LILRA1: variants seen among roughly 807,000 people sequenced by gnomAD.
The protein encoded by LILRA1 is leukocyte immunoglobulin like receptor A1.
A neutral mutation model predicts 51.6 loss-of-function variants in LILRA1; 51 were observed. The observed-to-expected ratio is 0.99, with a 90% CI of 0.79 to 1.25. The LOEUF (loss-of-function observed/expected upper bound fraction) is 1.25. LILRA1 is among the 50% of genes most tolerant of loss of function. LILRA1 has a pLI of 0.00. For synonymous variants in LILRA1, 305 were observed against 248.4 expected (o/e 1.23, Z -2.14); for missense variants, 660 against 611.7 (o/e 1.08, Z -0.83).
At chr19:54,594,983 G>A (rs369309661) in intron 4 of LILRA1, 31 bp downstream of exon 4, 12 of 1,611,676 alleles carry the variant, frequency 7.4e-6, no homozygotes, top group Admixed American at 5.0e-5. Context: ...CCCAGCCCCA[G>A]GCTCTGCCCT....
intron 7 of LILRA1, among the ~76,000 whole-genome samples, chr19:54,598,002 G>A (rs988511152): frequency 1.3e-5 from 2 of 150,546 alleles, no homozygotes; most frequent in East Asian, 2.1e-4. Context: ...CACGTTTTGG[G>A]TGGACTCAAC....
In LILRA1 at chr19:54,595,391, T is replaced by C; in HGVS notation, c.650T>C (p.Leu217Pro). The C allele has an allele frequency of 6.2e-7, 1 of 1,609,852 alleles. No individual in the cohort carries two copies. Among genetic ancestry groups the C allele is most frequent in the Non-Finnish European group, 8.5e-7 (1 of 1,177,550 alleles). Residue 217 changes from leucine to proline, a missense_variant, in exon 5 of 10, where the codon CTC becomes CCC. Physicochemically the swap from Leu to Pro is moderately conservative, Grantham distance 98. Coordinates refer to ENST00000251372, the MANE Select transcript of LILRA1 (RefSeq NM_006863.4). Reference sequence around the variant, plus strand: ...TCTCTACCCAGTGATCTCCTGGAGCTCCTGGTCCTAGGTGAGAAATTCACA... The same window carrying C: ...TCTCTACCCAGTGATCTCCTGGAGCCCCTGGTCCTAGGTGAGAAATTCACA... ...VWSLPSDLLELLVLGVSKKPS... is the reference protein window; with the variant it reads ...VWSLPSDLLEPLVLGVSKKPS...
chr19:54,594,440 G>A lies in LILRA1; in HGVS notation c.35-1G>A, dbSNP rs1417674707. On this transcript the variant is annotated splice_acceptor_variant, in intron 2 of 9. Transcript: ENST00000251372. LOFTEE classifies it high-confidence loss of function. ...ATTCCTCACAGGGAACTCTCTTCCA[G>A]GGCTGAGTCTGGGCCCCCGGACCCA... 6.2e-7 allele frequency: 1 copy of A among 1,606,742 alleles called. No individual in the cohort carries two copies. The highest frequency in any genetic ancestry group is 8.5e-7 in the Non-Finnish European group (1 of 1,179,288).
rs1241508409 is a variant in LILRA1 at position 54,594,645 on chromosome 19, G to A, written c.71-20G>A. On this transcript the variant is annotated intron_variant, in intron 3 of 9. Transcript: ENST00000251372. Reference sequence around the variant, plus strand: ...TTGGGTGGGAAATGACTTAGAATCTGAACTCTGATTTCCTTCCAGGGACCC... The same window carrying A: ...TTGGGTGGGAAATGACTTAGAATCTAAACTCTGATTTCCTTCCAGGGACCC... 29 of 1,611,224 alleles carry A rather than the reference G, an allele frequency of 1.8e-5. No homozygotes were observed. The highest frequency in any genetic ancestry group is 2.5e-5 in the Non-Finnish European group (29 of 1,178,680).
chr19:54,600,525 C>A lies in LILRA1; in HGVS notation c.1326C>A (p.Thr442=). 4 of 1,614,086 alleles carry A rather than the reference C, an allele frequency of 2.5e-6. No homozygotes were observed. The highest frequency in any genetic ancestry group is 3.3e-4 in the Middle Eastern group (2 of 6,056). The stretch of plus-strand genomic sequence containing the variant: ...TTTTATTCTCAGGAGCAGCTAACAC[C>A]CTCAGCCCATCACAAAACAAGACTG... ...KSDSKAGAAN[T]LSPSQNKTAS... Residue 442 remains threonine (T), a synonymous_variant, in exon 9 of 10, where the codon ACC becomes ACA. Transcript: ENST00000251372.
chr19:54,600,721 A>C lies in LILRA1; in HGVS notation c.1374A>C (p.Thr458=). The C allele has an allele frequency of 1.9e-6, 3 of 1,613,940 alleles. No individual in the cohort carries two copies. The highest frequency in any genetic ancestry group is 1.6e-4 in the Middle Eastern group (1 of 6,062). Residue 458 remains threonine, a synonymous_variant, in exon 10 of 10, where the codon ACA becomes ACC. Coordinates refer to ENST00000251372, the MANE Select transcript of LILRA1 (RefSeq NM_006863.4). ...CAGCCTCACACCCCCAGGATTACAC[A>C]GTGGAGAATCTCATCCGCATGGGCA... ...NKTASHPQDY[T]VENLIRMGIA...
At chr19:54,595,981 G>A in intron 6 of LILRA1, 46 bp downstream of exon 6, 1 of 1,597,330 alleles carries the variant, frequency 6.3e-7, no homozygotes, top group East Asian at 2.3e-5. Flanking sequence ...CTCCGCACAG[G>A]CCCTGCCAGG....
intron 7 of LILRA1, among the ~76,000 whole-genome samples, chr19:54,598,058 C>T (rs767153107): frequency 7.3e-5 from 11 of 149,966 alleles, no homozygotes; most frequent in African/African-American, 2.7e-4. Context: ...TCAGGGCACC[C>T]GGAGACTAAG....
rs142517538 is a variant in LILRA1, at chr19:54,594,712, A to C, written c.118A>C (p.Thr40Pro). The change falls in exon 4 of 10, where the codon ACC becomes CCC. Residue 40 changes from threonine to proline, a missense_variant. Coordinates refer to ENST00000251372, the MANE Select transcript of LILRA1 (RefSeq NM_006863.4). Reference protein sequence around the residue: ...TLWAEPGSVITQGSPVTLWCQ... With the variant: ...TLWAEPGSVIPQGSPVTLWCQ... ...CTGGGCTGAGCCAGGCTCTGTGATC[A>C]CCCAGGGGAGTCCCGTGACCCTCTG... 762 of 1,613,846 alleles carry C rather than the reference A, an allele frequency of 4.7e-4. 4 individuals carry two copies. The East Asian group carries it at 0.014, about 30-fold the overall frequency.
At chr19:54,597,852 A>C (rs777745366) in intron 7 of LILRA1, among the ~76,000 whole-genome samples, 1 of 151,068 alleles carries the variant, frequency 6.6e-6, no homozygotes, top group Non-Finnish European at 1.5e-5. Flanking sequence ...ACGTGCTGTG[A>C]ATAATTCCCT....
intron 2 of LILRA1, 71 bp downstream of exon 2, chr19:54,594,349 T>C: frequency 1.2e-6 from 2 of 1,613,846 alleles, no homozygotes; most frequent in Non-Finnish European, 8.5e-7. Context: ...CTCTAGTCCC[T>C]AAGGAGACCC....
intron 9 of LILRA1, 56 bp downstream of exon 9, chr19:54,600,606 A>G (rs2063146233): frequency 6.2e-7 from 1 of 1,612,448 alleles, no homozygotes; most frequent in African/African-American, 1.3e-5. Context: ...GGGTCCTGTC[A>G]AGGGTAAGGA....
Position 54,595,248 on chromosome 19 carries a change from C to G in LILRA1, c.507C>G (p.Asn169Lys), listed in dbSNP as rs139859463. Reference protein sequence around the residue: ...EGEDEHPQCLNSQPRTHGWSR... With the variant: ...EGEDEHPQCLKSQPRTHGWSR... ...AAGATGAACACCCACAATGCCTGAA[C>G]TCACAGCCCCGTACCCATGGGTGGT... is the stretch of plus-strand genomic sequence containing the variant. The change falls in exon 5 of 10, where the codon AAC becomes AAG. Residue 169 changes from asparagine (N) to lysine (K), a missense_variant. Physicochemically the swap from Asn to Lys is moderately conservative, Grantham distance 94 (BLOSUM62 0). Coordinates refer to ENST00000251372, the MANE Select transcript of LILRA1 (RefSeq NM_006863.4). 33 of 1,614,018 alleles carry G rather than the reference C, an allele frequency of 2.0e-5. No homozygotes were observed. Among genetic ancestry groups the G allele is most frequent in the Non-Finnish European group, 2.5e-5 (29 of 1,180,014 alleles).
At position 54,594,769 on chromosome 19, in the gene LILRA1, C is replaced by G. The variant is rs370643444; in HGVS notation, c.175C>G (p.Arg59Gly). Reference sequence around the variant, plus strand: ...GGGGATCCTGGAGACCCAGGAGTACCGTCTGTATAGAGAAAAGAAAACAGC... The same window carrying G: ...GGGGATCCTGGAGACCCAGGAGTACGGTCTGTATAGAGAAAAGAAAACAGC... Reference protein sequence around the residue: ...CQGILETQEYRLYREKKTAPW... With the variant: ...CQGILETQEYGLYREKKTAPW... Residue 59 changes from arginine to glycine, a missense_variant, in exon 4 of 10, where the codon CGT becomes GGT. Transcript: ENST00000251372. The G allele has an allele frequency of 2.5e-6, 4 of 1,613,976 alleles. No individual in the cohort carries two copies. The highest frequency in any genetic ancestry group is 1.6e-4 in the Middle Eastern group (1 of 6,084).
rs752911569 is a variant in LILRA1, at chr19:54,599,234, AG to A, written c.1262del. ...TCTCTTCTCCTCTGTTTTGATTCTCAGGAGCAGCTGAGACCCTCAGCCCACC... is the reference window on the plus strand; with the variant it reads ...TCTCTTCTCCTCTGTTTTGATTCTCAGAGCAGCTGAGACCCTCAGCCCACC... On this transcript the variant is annotated splice_acceptor_variant, in intron 7 of 9. Transcript: ENST00000251372. LOFTEE classifies it high-confidence loss of function. The A allele has an allele frequency of 1.9e-6, 3 of 1,567,748 alleles. No homozygotes were observed. The Admixed American group carries it at 5.1e-5, about 27-fold the overall frequency.
chr19:54,597,491 C>T lies in LILRA1; in HGVS notation c.1261+1000C>T, dbSNP rs118102390. ...CTCCAATTTTCTACTGAAAGCAACA[C>T]GTGGCACAGCTCTGCAGGACCCCAC... On this transcript the variant is annotated intron_variant, in intron 7 of 9. Coordinates refer to ENST00000251372, the MANE Select transcript of LILRA1 (RefSeq NM_006863.4). Among the ~76,000 whole-genome samples, 127 of 152,024 alleles carry T rather than the reference C, an allele frequency of 8.4e-4. No individual in the cohort carries two copies. In the East Asian group the frequency reaches 0.022, roughly 26 times the overall value.
At position 54,596,324 on chromosome 19, in the gene LILRA1, C is replaced by T. The variant is rs2063054823; in HGVS notation, c.1094C>T (p.Ala365Val). 1 of 1,614,064 alleles carries T rather than the reference C, an allele frequency of 6.2e-7. No individual in the cohort carries two copies. The highest frequency in any genetic ancestry group is 8.5e-7 in the Non-Finnish European group (1 of 1,179,994). ...FLLTKAGAAD[A>V]PLRLRSIHEY... is the part of the protein sequence containing the mutation. The stretch of plus-strand genomic sequence containing the variant: ...CTGACCAAGGCGGGAGCAGCTGATG[C>T]CCCCCTCCGTCTCAGATCAATACAC... Residue 365 changes from alanine to valine, a missense_variant, in exon 7 of 10, where the codon GCC becomes GTC. Coordinates refer to ENST00000251372, the MANE Select transcript of LILRA1 (RefSeq NM_006863.4).
intron 7 of LILRA1, 100 bp downstream of exon 7, chr19:54,596,591 G>A: frequency 6.6e-7 from 1 of 1,522,956 alleles, no homozygotes; most frequent in Non-Finnish European, 8.9e-7. Context: ...GAGTTGGCTG[G>A]GCACGGTGGC....
chr19:54,595,049 T>A, intron 4 of LILRA1, 51 bp from the exon 5 acceptor site: 1 of 1,601,312 alleles, frequency 6.2e-7, no homozygotes, highest in Non-Finnish European at 8.5e-7. Flanking sequence ...GCCCTGGGGA[T>A]GAAGTGGGAG....
Sources: allele counts gnomAD v4.1 joint callset (sites outside exome capture counted in the v4.1 genomes callset), GRCh38; gene constraint gnomAD v4.1.1; transcripts MANE v1.5; gene names NCBI Gene and HGNC (gene_info 2026-07-23, HGNC 2026-07-21).